SLC6A12: variants seen among roughly 807,000 people sequenced by gnomAD.
The protein encoded by SLC6A12 is sodium- and chloride-dependent betaine transporter.
Under a neutral mutation model 73.3 loss-of-function variants are expected in SLC6A12, and 50 were observed. The observed-to-expected ratio is 0.68, with a 90% CI of 0.54 to 0.86. The LOEUF is 0.86. Among genes scored for constraint, SLC6A12 ranks in the 40% least tolerant of loss-of-function variants. The pLI is 0.00. For missense variants in SLC6A12, 648 were observed against 772.8 expected (o/e 0.84, Z 1.92); for synonymous variants, 304 against 309.2 (o/e 0.98, Z 0.18).
Position 198,640 on chromosome 12 carries a change from G to T in SLC6A12, c.846+157C>A. The stretch of plus-strand genomic sequence containing the variant: ...GGTGGAATTACAAGAGATTTTTTTA[G>T]TTTCTTTTTTATAGCTTTCTTCCAT... On this transcript the variant is annotated intron_variant, in intron 8 of 15. Transcript: ENST00000684302. The surrounding 1 kb of genome is among the most constrained non-coding windows in gnomAD (Gnocchi z 4.0). 1 of 678,786 alleles carries T rather than the reference G, an allele frequency of 1.5e-6. No individual in the cohort carries two copies. The highest frequency in any genetic ancestry group is 2.4e-6 in the Non-Finnish European group (1 of 418,022). The allele number at this position is 678,786 out of a possible 1,614,324, so 42.0% of individuals were successfully genotyped here. A position where few individuals can be genotyped will look rare whatever the true frequency, so the allele number is the denominator to read the frequency against.
intron 15 of SLC6A12, 25 bp from the exon 16 acceptor site, chr12:191,236 T>C (rs1374369766): frequency 7.9e-7 from 1 of 1,259,524 alleles, no homozygotes. Context: ...GGCAGGGATT[T>C]GGAGCTGATG....
downstream of SLC6A12, among the ~76,000 whole-genome samples, chr12:185,709 T>C (rs1939418784): frequency 6.6e-6 from 1 of 152,194 alleles, no homozygotes. Context: ...CCCAGTCACG[T>C]GCCAGCAGGT....
chr12:187,621 A>AAC (rs1565461361), downstream of SLC6A12, among the ~76,000 whole-genome samples: 11 of 54,066 alleles, frequency 2.0e-4, no homozygotes, highest in African/African-American at 8.3e-4. Flanking sequence ...AAAAAAAAAA[A>AAC]AAAAAAAAAA....
chr12:191,794 G>A (rs776767677), intron 15 of SLC6A12, among the ~76,000 whole-genome samples: 7 of 152,172 alleles, frequency 4.6e-5, no homozygotes, highest in Non-Finnish European at 8.8e-5. Context: ...AGCATGCCCA[G>A]GATGGAAGTG....
rs1940035290 is a variant in SLC6A12 at position 198,411 on chromosome 12, G to A, written c.846+386C>T. Among the ~76,000 whole-genome samples, 1 of 152,092 alleles carries A rather than the reference G, an allele frequency of 6.6e-6. No individual in the cohort carries two copies. On this transcript the variant is annotated intron_variant, in intron 8 of 15. Transcript: ENST00000684302. The surrounding 1 kb of genome is among the most constrained non-coding windows in gnomAD (Gnocchi z 4.0). ...AGGCTGCTTCATCAAAATATCAAGA[G>A]AAAATGCCCAGGAACCATGGCTCAT...
chr12:210,380 C>T (rs1269144549), intron 2 of SLC6A12: 12 of 1,113,522 alleles, frequency 1.1e-5, no homozygotes, highest in Non-Finnish European at 1.2e-5. Flanking sequence ...TGCCCAGGTC[C>T]TTGATGTCTG....
rs1232600428 is a variant in SLC6A12 at position 198,201 on chromosome 12, G to A, written c.847-198C>T. ...CTCCTCCCCAGTGCGGCCCAGTTTC[G>A]GTTTGGTTCTGTAGGCACTTAGTGA... On this transcript the variant is annotated intron_variant, in intron 8 of 15. Coordinates refer to ENST00000684302, the MANE Select transcript of SLC6A12 (RefSeq NM_001122848.3). The surrounding 1 kb of genome is among the most constrained non-coding windows in gnomAD (Gnocchi z 4.0). Among the ~76,000 whole-genome samples, 1 of 152,158 alleles carries A rather than the reference G, an allele frequency of 6.6e-6. No homozygotes were observed. Among genetic ancestry groups the A allele is most frequent in the East Asian group, 1.9e-4 (1 of 5,192 alleles).
At chr12:209,266 C>A (rs1362419189) in intron 3 of SLC6A12, among the ~76,000 whole-genome samples, 2 of 152,176 alleles carry the variant, frequency 1.3e-5, no homozygotes, top group Non-Finnish European at 2.9e-5. Flanking sequence ...ATTCCCTATC[C>A]CTCCTCCCTG....
At chr12:197,062 C>T (rs1348553079) in intron 10 of SLC6A12, among the ~76,000 whole-genome samples, 180 bp from the exon 11 acceptor site, 49 of 151,414 alleles carry the variant, frequency 3.2e-4, no homozygotes, top group African/African-American at 1.1e-3. Context: ...TCCATCCATC[C>T]ATCCATCTAC....
intron 3 of SLC6A12, among the ~76,000 whole-genome samples, chr12:207,719 C>A (rs138545729): frequency 1.1e-3 from 166 of 152,232 alleles, no homozygotes; most frequent in African/African-American, 3.8e-3. Context: ...CACATCCATC[C>A]ATCATTAGGT....
downstream of SLC6A12, among the ~76,000 whole-genome samples, chr12:186,313 C>T (rs997867502): frequency 6.6e-6 from 1 of 152,330 alleles, no homozygotes; most frequent in East Asian, 1.9e-4. Flanking sequence ...GGAGCCGAGG[C>T]CTTCCACCGG....
In SLC6A12 at chr12:204,734, C is replaced by CG. The variant is rs1565476603; in HGVS notation, c.215-37dup. 15 of 1,610,800 alleles carry CG rather than the reference C, an allele frequency of 9.3e-6. No individual in the cohort carries two copies. The South Asian group carries it at 1.7e-4, about 18-fold the overall frequency. On this transcript the variant is annotated intron_variant, in intron 3 of 15. Transcript: ENST00000684302. ...GAGAGAGGCAGGGCTGAGCCACACCCGGGCTCTTCCTCAGCCTCCATCCTT... is the reference window on the plus strand; with the variant it reads ...GAGAGAGGCAGGGCTGAGCCACACCCGGGGCTCTTCCTCAGCCTCCATCCTT...
At chr12:196,020 C>G in intron 12 of SLC6A12, 104 bp downstream of exon 12, 2 of 1,108,736 alleles carry the variant, frequency 1.8e-6, no homozygotes, top group Non-Finnish European at 2.6e-6. Context: ...CGTTCACACC[C>G]CTCGTCAGCA....
At chr12:196,554 T>C (rs945635113) in intron 11 of SLC6A12, among the ~76,000 whole-genome samples, 3 of 152,140 alleles carry the variant, frequency 2.0e-5, no homozygotes, top group Admixed American at 6.5e-5. Context: ...CATCCATGCA[T>C]GCAGAGGCTC....
In SLC6A12 at chr12:196,759, C is replaced by A; in HGVS notation, c.1188+11G>T. On this transcript the variant is annotated intron_variant, in intron 11 of 15. Transcript: ENST00000684302. ...CACCACGGCAGGGCAGGCTGGGCTG[C>A]AGTGACGTACCTGGCTGTCCAGCCC... 1 of 1,588,360 alleles carries A rather than the reference C, an allele frequency of 6.3e-7. No individual in the cohort carries two copies. The highest frequency in any genetic ancestry group is 8.6e-7 in the Non-Finnish European group (1 of 1,157,320).
Position 200,632 on chromosome 12 carries a change from A to G in SLC6A12, c.711+19T>C, listed in dbSNP as rs373421963. 109 of 1,612,502 alleles carry G rather than the reference A, an allele frequency of 6.8e-5. No individual in the cohort carries two copies. Among genetic ancestry groups the G allele is most frequent in the Non-Finnish European group, 8.2e-5 (97 of 1,179,146 alleles). ...CTCTGGGGGCCAAAGGGAGCTTCCC[A>G]GGAGGCAGGACATCTCACCTTGCCT... is the stretch of plus-strand genomic sequence containing the variant. On this transcript the variant is annotated intron_variant, in intron 7 of 15. Transcript: ENST00000684302.
intron 14 of SLC6A12, chr12:193,019 G>C (rs1276499318): frequency 5.7e-6 from 3 of 529,552 alleles, no homozygotes; most frequent in African/African-American, 1.9e-5. Context: ...CAACCATCGA[G>C]AAATCAGGCA....
chr12:197,092 T>C (rs377726709), intron 10 of SLC6A12, among the ~76,000 whole-genome samples: 48 of 22,920 alleles, frequency 2.1e-3, no homozygotes, highest in Non-Finnish European at 2.2e-3. Flanking sequence ...CATCCATCCA[T>C]CCATCCATCC....
intron 3 of SLC6A12, among the ~76,000 whole-genome samples, chr12:208,260 C>A (rs1940748158): frequency 6.6e-6 from 1 of 152,212 alleles, no homozygotes; most frequent in South Asian, 2.1e-4. Context: ...CTTGCCTCCC[C>A]TGACTTTCTG....
Sources: gnomAD v4.1 joint callset for allele counts (sites outside exome capture counted in the v4.1 genomes callset) on GRCh38, gnomAD v4.1.1 for gene constraint, Gnocchi (gnomAD v3.1) non-coding constraint, MANE v1.5 for transcripts, NCBI Gene and HGNC (gene_info 2026-07-23, HGNC 2026-07-21) for gene names.